DENND2B: variants seen among roughly 807,000 people sequenced by gnomAD.
The protein encoded by DENND2B is DENN domain containing 2B, also known as DENN domain-containing protein 2B.
DENND2B carries 32 observed loss-of-function variants against 116.0 expected under a neutral mutation model. The ratio of observed to expected loss-of-function variants is 0.28; its 90% confidence interval spans 0.21 to 0.37. The LOEUF (loss-of-function observed/expected upper bound fraction) is 0.37, where lower values mean the gene tolerates loss of function less well. Ranked by LOEUF, DENND2B falls within the 10% of genes least tolerant of loss-of-function variation. DENND2B has a pLI of 1.00. For missense variants in DENND2B, 1,276 were observed against 1,477.7 expected, an observed-to-expected ratio of 0.86 and a Z score of 2.24; for synonymous variants, 588 against 583.9, an observed-to-expected ratio of 1.01 and a Z score of -0.10.
chr11:8,776,134 A>G lies in DENND2B; in HGVS notation c.-25-25409T>C, dbSNP rs1408031375. The G allele has an allele frequency of 8.3e-5, 24 of 290,490 alleles. 1 individual carries two copies. Among genetic ancestry groups the G allele is most frequent in the Admixed American group, 5.9e-4 (15 of 25,298 alleles). The allele number at this position is 290,490 out of a possible 1,614,324, so 18.0% of individuals were successfully genotyped here. A position where few individuals can be genotyped will look rare whatever the true frequency, so the allele number is the denominator to read the frequency against. ...CACAGACTTGCACATGCACACAGAC[A>G]CGCACGTGCGCGCACGCGCGCGCGC... is the stretch of plus-strand genomic sequence containing the variant. On this transcript the variant is annotated intron_variant, in intron 1 of 19. Coordinates refer to ENST00000313726, the MANE Select transcript of DENND2B (RefSeq NM_213618.2).
At chr11:8,762,921 CT>C (rs2134126362) in intron 1 of DENND2B, among the ~76,000 whole-genome samples, 1 of 152,276 alleles carries the variant, frequency 6.6e-6, no homozygotes, top group African/African-American at 2.4e-5. Flanking sequence ...TAAATAAGAA[CT>C]TTGTTCATTT....
At chr11:8,785,853 AAAT>A (rs1195865269) in intron 1 of DENND2B, 2 of 152,230 alleles carry the variant, frequency 1.3e-5, no homozygotes, top group Non-Finnish European at 2.9e-5. Flanking sequence ...GGATTAAACA[AAAT>A]AATGTTCTAA....
intron 3 of DENND2B, among the ~76,000 whole-genome samples, chr11:8,841,603 C>T (rs1359684655): frequency 6.6e-6 from 1 of 152,194 alleles, no homozygotes; most frequent in Non-Finnish European, 1.5e-5. Flanking sequence ...TGAGTTATGA[C>T]TGTACCACTG....
chr11:8,762,787 G>A (rs889818523), intron 1 of DENND2B, among the ~76,000 whole-genome samples: 3 of 152,238 alleles, frequency 2.0e-5, no homozygotes, highest in Non-Finnish European at 4.4e-5. Context: ...TTGAACCCGG[G>A]AGGCAGAGGT....
intron 1 of DENND2B, among the ~76,000 whole-genome samples, chr11:8,907,069 A>C (rs2064248134): frequency 6.6e-6 from 1 of 152,084 alleles, no homozygotes; most frequent in Non-Finnish European, 1.5e-5. Flanking sequence ...TCCCAAATAC[A>C]GCACCAGTCT....
chr11:8,731,581 G>A (rs1283343510), intron 2 of DENND2B, among the ~76,000 whole-genome samples: 1 of 152,170 alleles, frequency 6.6e-6, no homozygotes, highest in Non-Finnish European at 1.5e-5. Flanking sequence ...AAGGTGTGGT[G>A]GCTCATGCCT....
At chr11:8,894,271 G>A (rs1295084557) in intron 1 of DENND2B, among the ~76,000 whole-genome samples, 1 of 152,136 alleles carries the variant, frequency 6.6e-6, no homozygotes, top group Non-Finnish European at 1.5e-5. Context: ...AGACTTAAAT[G>A]TTCGACCTAA....
At chr11:8,724,729 C>A (rs1245483720) in intron 4 of DENND2B, among the ~76,000 whole-genome samples, 1 of 152,206 alleles carries the variant, frequency 6.6e-6, no homozygotes, top group Non-Finnish European at 1.5e-5. Flanking sequence ...CAGTTCCAGA[C>A]TGTATTTTAA....
intron 1 of DENND2B, among the ~76,000 whole-genome samples, chr11:8,790,121 T>C (rs558127208): frequency 6.6e-6 from 1 of 152,326 alleles, no homozygotes; most frequent in East Asian, 1.9e-4. Flanking sequence ...ACTCCTGTCT[T>C]TGTGCATGCA....
intron 1 of DENND2B, among the ~76,000 whole-genome samples, chr11:8,888,972 T>G (rs2063993349): frequency 6.6e-6 from 1 of 152,022 alleles, no homozygotes; most frequent in African/African-American, 2.4e-5. Context: ...ACTTGTACAC[T>G]CTTGGTGGGA....
intron 1 of DENND2B, among the ~76,000 whole-genome samples, chr11:8,791,992 GT>G (rs1265373485): frequency 4.9e-5 from 1 of 20,522 alleles, no homozygotes; most frequent in Non-Finnish European, 4.3e-3. Flanking sequence ...ATCACCTGAG[GT>G]CAAGGAGTTC....
intron 1 of DENND2B, among the ~76,000 whole-genome samples, chr11:8,788,814 T>C (rs1192662634): frequency 6.6e-6 from 1 of 152,258 alleles, no homozygotes; most frequent in Non-Finnish European, 1.5e-5. Context: ...TGTCTATCTT[T>C]TGACCATTCA....
intron 1 of DENND2B, among the ~76,000 whole-genome samples, chr11:8,758,091 T>C (rs1234131264): frequency 6.6e-6 from 1 of 152,090 alleles, no homozygotes; most frequent in Non-Finnish European, 1.5e-5. Context: ...CGGGAATCTG[T>C]GGGGATGGGG....
chr11:8,802,113 T>A (rs1327349846), intron 1 of DENND2B, among the ~76,000 whole-genome samples: 1 of 151,194 alleles, frequency 6.6e-6, no homozygotes, highest in Non-Finnish European at 1.5e-5. Context: ...CCAGCGTGGC[T>A]AATATGGCGA....
rs551842369 is a variant in DENND2B, at chr11:8,728,285, A to G, written c.1340+1665T>C. On this transcript the variant is annotated intron_variant, in intron 3 of 19. Transcript: ENST00000313726. ...CCCAAAGTGCTGGAATTACAGGTGT[A>G]AGCCACCTCACCTGGACTGCATTTT... 8.5e-5 allele frequency among the ~76,000 whole-genome samples: 13 copies of G among 152,248 alleles called. No homozygotes were observed. The South Asian group carries it at 2.1e-3, about 24-fold the overall frequency.
At chr11:8,807,021 C>T (rs2060923993) in intron 1 of DENND2B, among the ~76,000 whole-genome samples, 2 of 152,128 alleles carry the variant, frequency 1.3e-5, no homozygotes, top group African/African-American at 4.8e-5. Flanking sequence ...TTTCCCCTTC[C>T]CCTCCTCGCA....
chr11:8,809,528 T>C (rs1236032202), intron 1 of DENND2B: 1 of 152,194 alleles, frequency 6.6e-6, no homozygotes, highest in South Asian at 2.1e-4. Context: ...GCATTCATCC[T>C]CCTCATAATA....
chr11:8,718,066 G>C (rs1028791617), intron 4 of DENND2B, 174 bp from the exon 5 acceptor site: 24 of 600,910 alleles, frequency 4.0e-5, no homozygotes, highest in South Asian at 2.0e-4. Flanking sequence ...GCTACAAACA[G>C]ATCCTGGCTC....
At chr11:8,858,060 G>A (rs1317494422) in intron 2 of DENND2B, among the ~76,000 whole-genome samples, 2 of 152,118 alleles carry the variant, frequency 1.3e-5, no homozygotes, top group African/African-American at 4.8e-5. Flanking sequence ...GCATTTTCTT[G>A]GCCATGTTAT....
Sources: gnomAD v4.1 joint callset for allele counts (sites outside exome capture counted in the v4.1 genomes callset) on GRCh38, gnomAD v4.1.1 for gene constraint, MANE v1.5 for transcripts, NCBI Gene and HGNC (gene_info 2026-07-23, HGNC 2026-07-21) for gene names.